Variants in FANCI observed in about 807,000 individuals in gnomAD.
The protein encoded by FANCI is FA complementation group I.
In FANCI, 156 loss-of-function variants were observed where a neutral mutation model predicts 176.1. The observed-to-expected ratio is 0.89, with a 90% CI of 0.78 to 1.01. FANCI has a LOEUF of 1.01. Ranked by LOEUF, FANCI falls within the 50% of genes least tolerant of loss-of-function variation. The pLI, the probability that FANCI is intolerant of heterozygous loss-of-function variation, is 0.00. For missense variants in FANCI, 1,678 were observed against 1,534.1 expected, an observed-to-expected ratio of 1.09 and a Z score of -1.57; for synonymous variants, 613 against 541.7, an observed-to-expected ratio of 1.13 and a Z score of -1.83.
chr15:89,254,976 C>A (rs539438444), intron 2 of FANCI, among the ~76,000 whole-genome samples: 1 of 152,252 alleles, frequency 6.6e-6, no homozygotes, highest in East Asian at 1.9e-4. Flanking sequence ...AACATTGATA[C>A]GATACAATTA....
chr15:89,247,069 C>CTTT (rs762096766), intron 1 of FANCI, among the ~76,000 whole-genome samples: 4 of 135,890 alleles, frequency 2.9e-5, no homozygotes, highest in East Asian at 2.1e-4. Flanking sequence ...GTGCCGGCCT[C>CTTT]TTTTTTTTTT....
intron 27 of FANCI, among the ~76,000 whole-genome samples, chr15:89,302,252 G>C (rs1469170802): frequency 6.6e-6 from 1 of 152,178 alleles, no homozygotes; most frequent in Admixed American, 6.5e-5. Flanking sequence ...AGAAAGCAGA[G>C]CTGCTTCCTG....
chr15:89,290,159 A>G, intron 18 of FANCI, 54 bp from the exon 19 acceptor site: 1 of 1,332,456 alleles, frequency 7.5e-7, no homozygotes, highest in Non-Finnish European at 1.1e-6. Flanking sequence ...ATGATTGTCC[A>G]GATCACTAGT....
chr15:89,308,301 T>A, intron 34 of FANCI: 3 of 412,254 alleles, frequency 7.3e-6, no homozygotes, highest in South Asian at 9.9e-5. Context: ...CCCCTAGTTT[T>A]AACAGCCAAA....
At chr15:89,298,965 G>A (rs1366052390) in intron 24 of FANCI, among the ~76,000 whole-genome samples, 1 of 152,200 alleles carries the variant, frequency 6.6e-6, no homozygotes, top group South Asian at 2.1e-4. Context: ...GAGGTCAGCA[G>A]TTCAAGACCA....
chr15:89,246,739 T>TTTTCTTTC (rs201874562), intron 1 of FANCI, among the ~76,000 whole-genome samples: 1 of 150,918 alleles, frequency 6.6e-6, no homozygotes, highest in Non-Finnish European at 1.5e-5. Context: ...ACTTCTCAGC[T>TTTTCTTTC]TTTCTTTCTT....
intron 14 of FANCI, among the ~76,000 whole-genome samples, chr15:89,279,438 G>A (rs1320384973): frequency 1.3e-5 from 2 of 152,178 alleles, no homozygotes; most frequent in African/African-American, 4.8e-5. Context: ...GATTACAGGC[G>A]TGAGCCACCA....
At chr15:89,275,999 A>T (rs1270899504) in intron 12 of FANCI, among the ~76,000 whole-genome samples, 5 of 152,204 alleles carry the variant, frequency 3.3e-5, no homozygotes, top group African/African-American at 1.2e-4. Context: ...GAGTATGAAT[A>T]TTGTTAACTC....
intron 1 of FANCI, chr15:89,245,171 TC>T (rs1215882650): frequency 1.2e-4 from 14 of 116,790 alleles, no homozygotes; most frequent in African/African-American, 5.6e-4. Flanking sequence ...TCTTTTCTTT[TC>T]TTTTCTTTTT....
intron 2 of FANCI, among the ~76,000 whole-genome samples, chr15:89,249,376 A>G (rs1416370213): frequency 6.6e-6 from 1 of 152,212 alleles, no homozygotes; most frequent in Non-Finnish European, 1.5e-5. Flanking sequence ...TAAAGGTGGG[A>G]TCTCACCCTT....
At chr15:89,313,008 T>A in intron 35 of FANCI, 36 bp downstream of exon 35, 8 of 1,593,516 alleles carry the variant, frequency 5.0e-6, no homozygotes, top group Non-Finnish European at 5.2e-6. Flanking sequence ...AATATGCTTG[T>A]TGGTGAACCC....
At chr15:89,290,445 G>T in intron 19 of FANCI, 164 bp downstream of exon 19, 1 of 640,306 alleles carries the variant, frequency 1.6e-6, no homozygotes, top group South Asian at 1.7e-5. Context: ...GTCTTATCTC[G>T]GTCACCACTT....
chr15:89,300,621 C>T (rs1299238222), intron 26 of FANCI, among the ~76,000 whole-genome samples: 1 of 152,222 alleles, frequency 6.6e-6, no homozygotes, highest in Non-Finnish European at 1.5e-5. Flanking sequence ...CTAAGGACCA[C>T]TGTTTGAGTT....
chr15:89,305,322 C>G lies in FANCI; in HGVS notation c.3187-19C>G. ...ACAACCTTACTGTCATTAGGTCTCA[C>G]CTCTCTTCTTTTCCCCAGGATGTAG... is the stretch of plus-strand genomic sequence containing the variant. On this transcript the variant is annotated intron_variant, in intron 29 of 37. Transcript: ENST00000310775. 2.5e-6 allele frequency: 4 copies of G among 1,614,188 alleles called. No individual in the cohort carries two copies. The highest frequency in any genetic ancestry group is 2.5e-6 in the Non-Finnish European group (3 of 1,180,046).
At chr15:89,276,530 C>T (rs1313888162) in intron 12 of FANCI, among the ~76,000 whole-genome samples, 181 bp from the exon 13 acceptor site, 4 of 152,154 alleles carry the variant, frequency 2.6e-5, no homozygotes, top group African/African-American at 9.7e-5. Context: ...CTGCTGTTCC[C>T]ATTATGGTAC....
chr15:89,247,541 T>C (rs2052043403), intron 1 of FANCI, 88 bp from the exon 2 acceptor site: 1 of 912,296 alleles, frequency 1.1e-6, no homozygotes, highest in Non-Finnish European at 1.8e-6. Context: ...ATAATAGGTA[T>C]GAAATATTCA....
intron 18 of FANCI, among the ~76,000 whole-genome samples, chr15:89,288,217 G>A (rs1442525011): frequency 2.6e-5 from 4 of 152,208 alleles, no homozygotes; most frequent in Non-Finnish European, 5.9e-5. Context: ...TTGTGTCAGT[G>A]TAAGTAACTG....
chr15:89,283,751 ATTTC>A (rs774767557), intron 17 of FANCI, among the ~76,000 whole-genome samples: 1 of 150,394 alleles, frequency 6.6e-6, no homozygotes, highest in Non-Finnish European at 1.5e-5. Context: ...TTCATATTAT[ATTTC>A]TTTCTTTTTT....
chr15:89,274,226 A>G lies in FANCI; in HGVS notation c.1034A>G (p.Gln345Arg). 9 of 1,609,474 alleles carry G rather than the reference A, an allele frequency of 5.6e-6. No homozygotes were observed. Among genetic ancestry groups the G allele is most frequent in the Non-Finnish European group, 7.6e-6 (9 of 1,177,600 alleles). The change falls in exon 12 of 38, where the codon CAA (glutamine) becomes CGA (arginine). Residue 345 changes from glutamine to arginine, a missense_variant. Gln to Arg is a conservative substitution (Grantham distance 43). Coordinates refer to ENST00000310775, the MANE Select transcript of FANCI (RefSeq NM_001113378.2). ...VKSFKDLQLL[Q>R]GSKFLQNLVP... ...AGCTTTAAGGATCTTCAACTCCTCC[A>G]AGGCTCAAAATTTCTTCAGAATCTA...
Sources: gnomAD v4.1 joint callset for allele counts (sites outside exome capture counted in the v4.1 genomes callset) on GRCh38, gnomAD v4.1.1 for gene constraint, MANE v1.5 for transcripts, NCBI Gene and HGNC (gene_info 2026-07-23, HGNC 2026-07-21) for gene names.